Variants in MEGF10 observed in about 807,000 individuals in gnomAD.
MEGF10 encodes the protein multiple epidermal growth factor-like domains protein 10.
Under a neutral mutation model 147.5 loss-of-function variants are expected in MEGF10, and 86 were observed. The observed-to-expected ratio is 0.58, with a 90% CI of 0.49 to 0.70. MEGF10 has a LOEUF of 0.70. MEGF10 is among the 30% of genes least tolerant of loss of function. The probability of loss-of-function intolerance (pLI) is 0.00; values close to 1 mark genes in which losing one functional copy is unlikely to be tolerated. For missense variants in MEGF10, 1,329 were observed against 1,487.3 expected, an observed-to-expected ratio of 0.89 and a Z score of 1.75; for synonymous variants, 478 against 525.5, an observed-to-expected ratio of 0.91 and a Z score of 1.24.
intron 5 of MEGF10, among the ~76,000 whole-genome samples, chr5:127,392,347 T>C (rs942737763): frequency 1.2e-4 from 18 of 152,150 alleles, no homozygotes; most frequent in African/African-American, 4.3e-4. Context: ...ACTTCCTACT[T>C]AACAGTCCTC....
At chr5:127,359,387 T>C (rs1269615848) in intron 4 of MEGF10, among the ~76,000 whole-genome samples, 1 of 152,028 alleles carries the variant, frequency 6.6e-6, no homozygotes, top group Non-Finnish European at 1.5e-5. Context: ...GGAGGTAAAA[T>C]TGACATACAA....
At position 127,294,799 on chromosome 5, in the gene MEGF10, A is replaced by AAATAATAATAATAATAAT. The variant is rs200086613; in HGVS notation, c.-19+3764_-19+3781dup. Among the ~76,000 whole-genome samples, 6 of 108,042 alleles carry AAATAATAATAATAATAAT rather than the reference A, an allele frequency of 5.6e-5. No homozygotes were observed. The East Asian group carries it at 7.5e-4, about 14-fold the overall frequency. 70.9% of individuals were successfully genotyped at this position (108,042 alleles called of 152,430 possible). On this transcript the variant is annotated intron_variant, in intron 1 of 24. Coordinates refer to ENST00000503335, the MANE Select transcript of MEGF10 (RefSeq NM_001256545.2). ...GGGTGACAGAGTGAGACTCTGTCTCAAATAATAATAATAATAATAATAATA... is the reference window on the plus strand; with the variant it reads ...GGGTGACAGAGTGAGACTCTGTCTCAAATAATAATAATAATAATAATAATAATAATAATAATAATAATA...
chr5:127,325,875 ATG>A (rs1216918866), intron 1 of MEGF10, among the ~76,000 whole-genome samples: 9 of 129,272 alleles, frequency 7.0e-5, no homozygotes, highest in South Asian at 2.5e-4. Flanking sequence ...ATATACATAT[ATG>A]TGTGTGTGTG....
chr5:127,351,052 A>G (rs1035433927), intron 4 of MEGF10, among the ~76,000 whole-genome samples: 1 of 152,200 alleles, frequency 6.6e-6, no homozygotes, highest in Non-Finnish European at 1.5e-5. Context: ...GTAGAAAAAA[A>G]TAGAATGAAT....
the MEGF10 span, among the ~76,000 whole-genome samples, chr5:127,264,196 A>T: frequency 1.3e-5 from 2 of 152,154 alleles, no homozygotes; most frequent in African/African-American, 4.8e-5. Context: ...AAACTCAAGG[A>T]TGTGGTATCA....
At chr5:127,238,029 CTATATATATATATATATA>C in the MEGF10 span, among the ~76,000 whole-genome samples, 74,388 of 139,292 alleles carry the variant, frequency 0.53, 19,382 homozygotes, top group Middle Eastern at 0.64. Flanking sequence ...AAACTTCAGA[CTATATATATATATATATA>C]TATATATATA....
At chr5:127,305,594 CT>C (rs1298612956) in intron 1 of MEGF10, among the ~76,000 whole-genome samples, 1 of 151,998 alleles carries the variant, frequency 6.6e-6, no homozygotes, top group Non-Finnish European at 1.5e-5. Flanking sequence ...AGCAAAGGCA[CT>C]TTTCTTCCGC....
chr5:127,371,013 C>T (rs1485061045), intron 5 of MEGF10, among the ~76,000 whole-genome samples: 1 of 152,036 alleles, frequency 6.6e-6, no homozygotes, highest in Non-Finnish European at 1.5e-5. Flanking sequence ...AAAATTTTTA[C>T]TTGCTTATTT....
chr5:127,233,441 G>A, the MEGF10 span, among the ~76,000 whole-genome samples: 1 of 152,160 alleles, frequency 6.6e-6, no homozygotes, highest in Admixed American at 6.5e-5. Context: ...GGTGTAGTAG[G>A]TCATTTGCTT....
intron 24 of MEGF10, 85 bp downstream of exon 24, chr5:127,455,692 G>A (rs1230792370): frequency 6.8e-6 from 7 of 1,032,062 alleles, no homozygotes; most frequent in African/African-American, 5.0e-5. Flanking sequence ...ATAGTTGCAG[G>A]TCATAGAAAT....
chr5:127,450,503 TGATGATG>T (rs1011609986), intron 22 of MEGF10, among the ~76,000 whole-genome samples: 4 of 152,206 alleles, frequency 2.6e-5, no homozygotes, highest in African/African-American at 9.6e-5. Context: ...GACAGGAGTT[TGATGATG>T]TAGTAACTTA....
At chr5:127,358,128 A>C (rs1399870177) in intron 4 of MEGF10, among the ~76,000 whole-genome samples, 1 of 152,194 alleles carries the variant, frequency 6.6e-6, no homozygotes, top group Non-Finnish European at 1.5e-5. Context: ...AGACTTTCAT[A>C]CCGAAATGCA....
rs1024164094 is a variant in MEGF10 at position 127,331,312 on chromosome 5, G to A, written c.4G>A (p.Val2Ile). Residue 2 changes from valine to isoleucine, a missense_variant, in exon 2 of 25, where the codon GTT becomes ATT. Physicochemically the swap from Val to Ile is conservative, Grantham distance 29. Around this residue, in one of 3 missense-constraint regions of MEGF10, gnomAD observed 980 missense variants for 1,085.9 expected, o/e 0.90. Coordinates refer to ENST00000503335, the MANE Select transcript of MEGF10 (RefSeq NM_001256545.2). ...GTAGGTTGTTCTTCAGAAAAAAATG[G>A]TTATTTCTTTGAACTCATGCCTGAG... M[V>I]ISLNSCLSFI... The A allele has an allele frequency of 1.9e-6, 3 of 1,595,524 alleles. No individual in the cohort carries two copies. The highest frequency in any genetic ancestry group is 1.3e-5 in the African/African-American group (1 of 74,344).
At chr5:127,455,340 A>AC in intron 23 of MEGF10, 61 bp from the exon 24 acceptor site, 1 of 1,372,636 alleles carries the variant, frequency 7.3e-7, no homozygotes. Flanking sequence ...GTAAAATATC[A>AC]CCAAGAAATG....
intron 15 of MEGF10, 42 bp from the exon 16 acceptor site, chr5:127,435,319 G>C: frequency 6.2e-7 from 1 of 1,609,036 alleles, no homozygotes; most frequent in Middle Eastern, 1.7e-4. Flanking sequence ...TTCTGCGAGA[G>C]GGGTTTTGAT....
At chr5:127,441,256 G>A (rs1376849761) in intron 18 of MEGF10, among the ~76,000 whole-genome samples, 1 of 152,236 alleles carries the variant, frequency 6.6e-6, no homozygotes, top group African/African-American at 2.4e-5. Context: ...ATTCGGTGGG[G>A]AGGAGGGCTG....
Position 127,362,375 on chromosome 5 carries a change from A to T in MEGF10, c.320-7535A>T, listed in dbSNP as rs1307804115. On this transcript the variant is annotated intron_variant, in intron 4 of 24. Transcript: ENST00000503335. ...TACCTTTACTTAAAAAAAAATTATTATTTTTTTTTTTTGAGACGGAGTCTT... is the reference window on the plus strand; with the variant it reads ...TACCTTTACTTAAAAAAAAATTATTTTTTTTTTTTTTTGAGACGGAGTCTT... Among the ~76,000 whole-genome samples the T allele has an allele frequency of 2.2e-3, 252 of 113,466 alleles. 3 individuals are homozygous for T. The highest frequency in any genetic ancestry group is 1.9e-3 in the East Asian group (8 of 4,262). The allele number at this position is 113,466 out of a possible 152,430, so 74.4% of individuals were successfully genotyped here.
At chr5:127,234,732 G>A in the MEGF10 span, among the ~76,000 whole-genome samples, 6 of 152,040 alleles carry the variant, frequency 3.9e-5, no homozygotes, top group African/African-American at 7.2e-5. Context: ...CCAGTTCTTT[G>A]TTAAGTGTCT....
intron 6 of MEGF10, among the ~76,000 whole-genome samples, chr5:127,397,687 T>C (rs1337034053): frequency 3.9e-5 from 6 of 152,320 alleles, no homozygotes; most frequent in Admixed American, 3.3e-4. Context: ...GAATTGATGA[T>C]TATCTCAAAC....
Sources: gnomAD v4.1 joint callset for allele counts (sites outside exome capture counted in the v4.1 genomes callset) on GRCh38, gnomAD v4.1.1 for gene constraint, gnomAD v4.1.1 regional missense constraint, MANE v1.5 for transcripts, NCBI Gene and HGNC (gene_info 2026-07-23, HGNC 2026-07-21) for gene names.